The following COL4A2 variants were observed in gnomAD, a reference collection of about 807,000 sequenced individuals.
COL4A2 encodes collagen type IV alpha 2 chain.
A neutral mutation model predicts 200.2 loss-of-function variants in COL4A2; 99 were observed. The ratio of observed to expected loss-of-function variants is 0.49; its 90% CI spans 0.42 to 0.58. The LOEUF is 0.58. Among genes scored for constraint, COL4A2 ranks in the 20% least tolerant of loss-of-function variants. The pLI, the probability that COL4A2 is intolerant of heterozygous loss-of-function variation, is 0.00. For missense variants in COL4A2, 1,950 were observed against 2,314.1 expected, an observed-to-expected ratio of 0.84 and a Z score of 3.23; for synonymous variants, 897 against 900.6, an observed-to-expected ratio of 1.00 and a Z score of 0.07.
intron 4 of COL4A2, among the ~76,000 whole-genome samples, chr13:110,384,582 C>T (rs1342150949): frequency 6.6e-6 from 1 of 152,218 alleles, no homozygotes; most frequent in Non-Finnish European, 1.5e-5. Context: ...GCTATGTCCT[C>T]TGGCGTGTGG....
At chr13:110,391,058 G>A (rs573673360) in intron 4 of COL4A2, among the ~76,000 whole-genome samples, 48 of 152,204 alleles carry the variant, frequency 3.2e-4, no homozygotes, top group African/African-American at 1.1e-3. Flanking sequence ...TTCTTTTTAC[G>A]ATACTCCCTC....
chr13:110,430,115 G>A lies in COL4A2; in HGVS notation c.549+159G>A, dbSNP rs925127302. 25 of 785,030 alleles carry A rather than the reference G, an allele frequency of 3.2e-5. No individual in the cohort carries two copies. The African/African-American group carries it at 4.5e-4, about 14-fold the overall frequency. 48.6% of individuals were successfully genotyped at this position (785,030 alleles called of 1,614,324 possible). On this transcript the variant is annotated intron_variant, in intron 8 of 47. Transcript: ENST00000360467. ...TAAAAGTCATCTTACTTCCGATCAG[G>A]ATGTTTTCAATCTTATTTTTAATTG...
chr13:110,333,823 C>T (rs997325113), intron 3 of COL4A2, among the ~76,000 whole-genome samples: 1 of 152,174 alleles, frequency 6.6e-6, no homozygotes, highest in African/African-American at 2.4e-5. Context: ...GAGCTCTTAC[C>T]TTGTGTGATA....
intron 4 of COL4A2, among the ~76,000 whole-genome samples, chr13:110,381,449 T>C (rs575990581): frequency 1.3e-3 from 194 of 152,342 alleles, no homozygotes; most frequent in Non-Finnish European, 1.9e-3. Context: ...GTAAATCCTA[T>C]TGGGAAATAA....
chr13:110,456,488 T>A (rs974622148), intron 20 of COL4A2: 17 of 321,048 alleles, frequency 5.3e-5, no homozygotes, highest in Non-Finnish European at 5.4e-5. Flanking sequence ...TCAAAACTTT[T>A]CTTTGGACTC....
chr13:110,439,756 G>A, intron 15 of COL4A2, 33 bp from the exon 16 acceptor site: 2 of 1,613,718 alleles, frequency 1.2e-6, no homozygotes, highest in African/African-American at 1.3e-5. Context: ...TGCATATTCT[G>A]AGCTGTTTGC....
At chr13:110,457,513 T>A in intron 21 of COL4A2, 78 bp downstream of exon 21, 1 of 819,806 alleles carries the variant, frequency 1.2e-6, no homozygotes, top group Non-Finnish European at 2.1e-6. Context: ...GTGAAATCCA[T>A]CCCCCACTCA....
rs769413398 is a variant in COL4A2, at chr13:110,432,308, T to C, written c.649-17T>C. 1.2e-6 allele frequency: 2 copies of C among 1,601,722 alleles called. No homozygotes were observed. Among genetic ancestry groups the C allele is most frequent in the Admixed American group, 3.5e-5 (2 of 56,948 alleles). On this transcript the variant is annotated splice_polypyrimidine_tract_variant and intron_variant, in intron 10 of 47. Transcript: ENST00000360467. ...GGGTAAAGAAAACCATTTACACATT[T>C]CTTTGTATTTGTACAGGGACCACCT...
At chr13:110,447,013 A>C in intron 18 of COL4A2, 149 bp downstream of exon 18, 1 of 500,650 alleles carries the variant, frequency 2.0e-6, no homozygotes, top group Non-Finnish European at 3.2e-6. Context: ...AAAATAAACC[A>C]CGAAATTTAG....
Position 110,482,594 on chromosome 13 carries a change from A to G in COL4A2, c.2837A>G (p.Lys946Arg). The change falls in exon 32 of 48, where the codon AAA (lysine) becomes AGA (arginine). Residue 946 changes from lysine to arginine, a missense_variant. Lys to Arg is a conservative substitution (Grantham distance 26). Coordinates refer to ENST00000360467, the MANE Select transcript of COL4A2 (RefSeq NM_001846.4). ...LKGRPGFPGS[K>R]GEAGFFGIPG... ...GGGAGACCCGGGTTTCCAGGGAGCAAAGGCGAGGCTGGATTTTTCGGAATA... is the reference window on the plus strand; with the variant it reads ...GGGAGACCCGGGTTTCCAGGGAGCAGAGGCGAGGCTGGATTTTTCGGAATA... 6.2e-7 allele frequency: 1 copy of G among 1,614,130 alleles called. No homozygotes were observed. The highest frequency in any genetic ancestry group is 8.5e-7 in the Non-Finnish European group (1 of 1,180,016).
chr13:110,390,485 G>A (rs936311804), intron 4 of COL4A2, among the ~76,000 whole-genome samples: 2 of 152,210 alleles, frequency 1.3e-5, no homozygotes, highest in African/African-American at 4.8e-5. Flanking sequence ...GTGATGTGTT[G>A]CACTCAACGC....
chr13:110,511,828 G>GT, intron 47 of COL4A2, 106 bp from the exon 48 acceptor site: 1 of 1,547,918 alleles, frequency 6.5e-7, no homozygotes, highest in South Asian at 1.2e-5. Context: ...GACACTCATG[G>GT]TTTGCTGTTC....
At chr13:110,330,058 C>T (rs61964293) in intron 3 of COL4A2, among the ~76,000 whole-genome samples, 11,080 of 152,174 alleles carry the variant, frequency 0.073, 468 homozygotes, top group African/African-American at 0.093. Context: ...AATTACTCTT[C>T]TGAAAATTTG....
chr13:110,475,037 C>T (rs1015893890), intron 29 of COL4A2, among the ~76,000 whole-genome samples: 1 of 152,134 alleles, frequency 6.6e-6, no homozygotes, highest in Non-Finnish European at 1.5e-5. Flanking sequence ...CATACCCACT[C>T]GTGCCTATGC....
chr13:110,436,175 A>G (rs1322055705), intron 12 of COL4A2, 94 bp from the exon 13 acceptor site: 1 of 1,566,518 alleles, frequency 6.4e-7, no homozygotes, highest in South Asian at 1.1e-5. Flanking sequence ...TGCAAACATT[A>G]AAACTGCAGT....
At chr13:110,467,233 ACTGGTCTTGCGC>A in intron 27 of COL4A2, 137 bp downstream of exon 27, 1 of 1,150,812 alleles carries the variant, frequency 8.7e-7, no homozygotes, top group Non-Finnish European at 1.2e-6. Context: ...CTCAGCACAA[ACTGGTCTTGCGC>A]CTACAGGGAG....
chr13:110,329,038 G>A (rs762467332), intron 3 of COL4A2, among the ~76,000 whole-genome samples: 3 of 152,084 alleles, frequency 2.0e-5, no homozygotes, highest in South Asian at 2.1e-4. Context: ...GTATTCTGGC[G>A]AAAAATAAAT....
chr13:110,327,340 C>T (rs1043727887), intron 3 of COL4A2, among the ~76,000 whole-genome samples: 5 of 152,254 alleles, frequency 3.3e-5, no homozygotes, highest in African/African-American at 9.6e-5. Context: ...GCTCAGCACA[C>T]ACAATCACCC....
Position 110,507,938 on chromosome 13 carries a change from T to C in COL4A2, c.4598T>C (p.Leu1533Pro), listed in dbSNP as rs771658901. 1 of 1,613,362 alleles carries C rather than the reference T, an allele frequency of 6.2e-7. No individual in the cohort carries two copies. The highest frequency in any genetic ancestry group is 8.5e-7 in the Non-Finnish European group (1 of 1,179,528). The change falls in exon 47 of 48, where the codon CTG (leucine) becomes CCG (proline). Residue 1533 changes from leucine (L) to proline (P), a missense_variant. By Grantham distance (98) the Leu-to-Pro change is moderately conservative (BLOSUM62 -3). Coordinates refer to ENST00000360467, the MANE Select transcript of COL4A2 (RefSeq NM_001846.4). ...CTCATGACCCCTCCTTCCACAGGGC[T>C]GGCGGGCTCCTGCCTGGCGCGGTTC... ...QEKAHNQDLG[L>P]AGSCLARFST...
Sources: gnomAD v4.1 joint callset for allele counts (sites outside exome capture counted in the v4.1 genomes callset) on GRCh38, gnomAD v4.1.1 for gene constraint, MANE v1.5 for transcripts, NCBI Gene and HGNC (gene_info 2026-07-23, HGNC 2026-07-21) for gene names.